Variants in PGBD1 observed in about 807,000 individuals in gnomAD.
PGBD1 encodes piggyBac transposable element derived 1, also known as piggyBac transposable element-derived protein 1.
A neutral mutation model predicts 34.7 loss-of-function variants in PGBD1; 25 were observed. The observed-to-expected ratio is 0.72, with a 90% CI of 0.52 to 1.00. PGBD1 has a LOEUF of 1.00. PGBD1 is among the 50% of genes least tolerant of loss of function. The pLI is 0.00. For synonymous variants in PGBD1, 292 were observed against 335.7 expected (o/e 0.87, Z 1.42); for missense variants, 830 against 959.4 (o/e 0.87, Z 1.78).
chr6:28,288,555 A>G (rs1234900259), intron 4 of PGBD1, among the ~76,000 whole-genome samples: 1 of 152,200 alleles, frequency 6.6e-6, no homozygotes, highest in Non-Finnish European at 1.5e-5. Flanking sequence ...TAGAAAGCTT[A>G]TTCAAAGAAA....
At chr6:28,283,472 GCCT>G (rs1762187698) in intron 1 of PGBD1, among the ~76,000 whole-genome samples, 1 of 152,214 alleles carries the variant, frequency 6.6e-6, no homozygotes, top group African/African-American at 2.4e-5. Context: ...GCAGCCATCT[GCCT>G]CCTCAATGGG....
intron 4 of PGBD1, among the ~76,000 whole-genome samples, chr6:28,287,767 T>C (rs1762331789): frequency 6.6e-6 from 1 of 152,198 alleles, no homozygotes; most frequent in South Asian, 2.1e-4. Flanking sequence ...AGACACTTGC[T>C]CAGTCCTCTT....
In PGBD1 at chr6:28,301,331, A is replaced by G. The variant is rs1561893016; in HGVS notation, c.1477A>G (p.Ile493Val). 7 of 1,614,148 alleles carry G rather than the reference A, an allele frequency of 4.3e-6. No homozygotes were observed. Among genetic ancestry groups the G allele is most frequent in the Middle Eastern group, 1.6e-4 (1 of 6,062 alleles). The change falls in exon 7 of 7, where the codon ATC (isoleucine) becomes GTC (valine). Residue 493 changes from isoleucine to valine, a missense_variant. Ile to Val is a conservative substitution (Grantham distance 29). This residue lies in a region of PGBD1 where 372 missense variants were observed against 427.9 expected (regional missense o/e 0.87). Coordinates refer to ENST00000682144, the MANE Select transcript of PGBD1 (RefSeq NM_032507.4). ...DTDQNLVRDA[I>V]RRDRFELIFS... ...CGATCAGAACCTGGTTAGAGATGCAATCAGAAGGGACAGATTTGAATTGAT... is the reference window on the plus strand; with the variant it reads ...CGATCAGAACCTGGTTAGAGATGCAGTCAGAAGGGACAGATTTGAATTGAT...
Position 28,302,154 on chromosome 6 carries a change from T to C in PGBD1, c.2300T>C (p.Ile767Thr), listed in dbSNP as rs1762869064. 3 of 1,614,162 alleles carry C rather than the reference T, an allele frequency of 1.9e-6. No individual in the cohort carries two copies. The highest frequency in any genetic ancestry group is 2.7e-5 in the African/African-American group (2 of 75,038). ...TACTCAATTTTGGTGAGCTACATGA[T>C]TGATGTAGCCATGAACAATGCATGG... ...KWYSILVSYM[I>T]DVAMNNAWQL... Residue 767 changes from isoleucine to threonine, a missense_variant, in exon 7 of 7, where the codon ATT (isoleucine) becomes ACT (threonine). Coordinates refer to ENST00000682144, the MANE Select transcript of PGBD1 (RefSeq NM_032507.4).
intron 3 of PGBD1, 71 bp from the exon 4 acceptor site, chr6:28,287,009 C>T: frequency 8.7e-7 from 1 of 1,146,132 alleles, no homozygotes; most frequent in Non-Finnish European, 1.3e-6. Flanking sequence ...GGGGAAAAGG[C>T]TGGGTCTCCA....
chr6:28,291,567 A>T (rs1762453036), intron 4 of PGBD1, among the ~76,000 whole-genome samples: 1 of 149,972 alleles, frequency 6.7e-6, no homozygotes. Context: ...AAAAAAAAAA[A>T]TTGAAGAGGA....
chr6:28,287,197 T>C, intron 4 of PGBD1, 29 bp downstream of exon 4: 1 of 1,536,482 alleles, frequency 6.5e-7, no homozygotes, highest in Non-Finnish European at 9.0e-7. Flanking sequence ...CTTGTAGGAA[T>C]ATCAGTAGTG....
Position 28,301,768 on chromosome 6 carries a change from C to T in PGBD1, c.1914C>T (p.Ala638=). The change falls in exon 7 of 7, where the codon GCC becomes GCT. Residue 638 remains alanine, a synonymous_variant. Transcript: ENST00000682144. The part of the protein sequence containing the change: ...SFFTSVKLLS[A]LKKKGVRATG... ...TTACAAGTGTCAAATTGTTGTCAGC[C>T]TTGAAAAAGAAGGGGGTGAGGGCAA... 3 of 1,614,000 alleles carry T rather than the reference C, an allele frequency of 1.9e-6. No homozygotes were observed. The highest frequency in any genetic ancestry group is 1.1e-5 in the South Asian group (1 of 91,082).
Position 28,296,928 on chromosome 6 carries a change from T to C in PGBD1, c.755T>C (p.Met252Thr). The C allele has an allele frequency of 1.2e-6, 2 of 1,614,094 alleles. No homozygotes were observed. The highest frequency in any genetic ancestry group is 2.2e-5 in the South Asian group (2 of 91,080). Residue 252 changes from methionine to threonine, a missense_variant, in exon 5 of 7, where the codon ATG becomes ACG. Physicochemically the swap from Met to Thr is moderately conservative, Grantham distance 81. Coordinates refer to ENST00000682144, the MANE Select transcript of PGBD1 (RefSeq NM_032507.4). ...GGGAACTCAGCTCAGGAGACAGTTA[T>C]GAGCCTCAGTCCGATGAGTAAGGCC... ...LCGNSAQETV[M>T]SLSPMTEEIV... is the part of the protein sequence containing the mutation.
At chr6:28,285,757 A>G (rs1762268954) in intron 3 of PGBD1, 50 bp downstream of exon 3, 2 of 1,570,072 alleles carry the variant, frequency 1.3e-6, no homozygotes, top group Admixed American at 1.8e-5. Flanking sequence ...GGCCACTGAC[A>G]CTTGCACAGC....
chr6:28,285,791 C>T (rs980589373), intron 3 of PGBD1, 84 bp downstream of exon 3: 6 of 1,386,132 alleles, frequency 4.3e-6, no homozygotes, highest in Non-Finnish European at 5.9e-6. Flanking sequence ...AGTTTGTATA[C>T]ATTGTGAAAT....
At chr6:28,289,558 GACATACAGT>G (rs1281052867) in intron 4 of PGBD1, among the ~76,000 whole-genome samples, 2 of 152,186 alleles carry the variant, frequency 1.3e-5, no homozygotes, top group Admixed American at 1.3e-4. Context: ...CTGTAATAGT[GACATACAGT>G]ATACTCACAA....
chr6:28,281,927 CG>C lies in PGBD1; in HGVS notation c.-39+12del, dbSNP rs1276540264. The stretch of plus-strand genomic sequence containing the variant: ...TATTTCTTGAATACCAGGTACGTGC[CG>C]GGCATGTAGAGTCTATGCAGAGATA... On this transcript the variant is annotated intron_variant, in intron 1 of 6. Coordinates refer to ENST00000682144, the MANE Select transcript of PGBD1 (RefSeq NM_032507.4). 1 of 152,260 alleles carries C rather than the reference CG, an allele frequency of 6.6e-6. No homozygotes were observed. The highest frequency in any genetic ancestry group is 2.4e-5 in the African/African-American group (1 of 41,412). The allele number at this position is 152,260 out of a possible 1,614,324, so 9.4% of individuals were successfully genotyped here.
chr6:28,288,595 A>G (rs920390093), intron 4 of PGBD1, among the ~76,000 whole-genome samples: 3 of 152,064 alleles, frequency 2.0e-5, no homozygotes, highest in Admixed American at 2.0e-4. Context: ...GTGGCTCTCA[A>G]CTGTAATCCC....
intron 4 of PGBD1, among the ~76,000 whole-genome samples, chr6:28,294,290 G>A (rs1450871454): frequency 4.6e-5 from 7 of 152,324 alleles, no homozygotes; most frequent in South Asian, 4.1e-4. Flanking sequence ...AGGTTGGTTC[G>A]TGAGGTGTAA....
intron 3 of PGBD1, among the ~76,000 whole-genome samples, chr6:28,286,741 C>G (rs929721203): frequency 2.6e-5 from 4 of 152,058 alleles, no homozygotes; most frequent in Non-Finnish European, 4.4e-5. Flanking sequence ...CCTCTGTGTT[C>G]TCTCCTTGAT....
rs1188667976 is a variant in PGBD1 at position 28,300,474 on chromosome 6, G to A, written c.870-250G>A. Among the ~76,000 whole-genome samples, 1 of 152,152 alleles carries A rather than the reference G, an allele frequency of 6.6e-6. No individual in the cohort carries two copies. The highest frequency in any genetic ancestry group is 2.4e-5 in the African/African-American group (1 of 41,418). On this transcript the variant is annotated intron_variant, in intron 6 of 6. Coordinates refer to ENST00000682144, the MANE Select transcript of PGBD1 (RefSeq NM_032507.4). This position sits in a 1 kb window ranked among gnomAD's most constrained non-coding sequence, Gnocchi z 4.0. ...TCCTAAAGAGGACAGAGGGAGGAGT[G>A]TACCAAGGATACTCAGTTATTTCTC...
chr6:28,281,930 GC>G lies in PGBD1; in HGVS notation c.-39+13del, dbSNP rs985200544. 2 of 152,368 alleles carry G rather than the reference GC, an allele frequency of 1.3e-5. No individual in the cohort carries two copies. Among genetic ancestry groups the G allele is most frequent in the African/African-American group, 4.8e-5 (2 of 41,470 alleles). 9.4% of individuals were successfully genotyped at this position (152,368 alleles called of 1,614,324 possible). ...TTCTTGAATACCAGGTACGTGCCGG[GC>G]ATGTAGAGTCTATGCAGAGATAAAC... On this transcript the variant is annotated intron_variant, in intron 1 of 6. Transcript: ENST00000682144.
intron 4 of PGBD1, among the ~76,000 whole-genome samples, chr6:28,294,597 A>G (rs1447025032): frequency 6.6e-6 from 1 of 152,206 alleles, no homozygotes; most frequent in African/African-American, 2.4e-5. Context: ...TGAAAATCCT[A>G]GGGTCCATAA....
Sources: allele counts gnomAD v4.1 joint callset (sites outside exome capture counted in the v4.1 genomes callset), GRCh38; gene constraint gnomAD v4.1.1; regional missense constraint gnomAD v4.1.1; non-coding constraint Gnocchi (gnomAD v3.1); transcripts MANE v1.5; gene names NCBI Gene and HGNC (gene_info 2026-07-23, HGNC 2026-07-21).